USP7: variants seen among roughly 807,000 people sequenced by gnomAD.
USP7 encodes ubiquitin C-terminal hydrolase 7.
A neutral mutation model predicts 162.9 loss-of-function variants in USP7; 9 were observed. That is an observed-to-expected ratio of 0.06 (90% confidence interval 0.03 to 0.10). The LOEUF (loss-of-function observed/expected upper bound fraction) is 0.10, where lower values mean the gene tolerates loss of function less well. USP7 is among the 10% of genes least tolerant of loss of function. USP7 has a pLI of 1.00. For synonymous variants in USP7, 562 were observed against 475.9 expected, an observed-to-expected ratio of 1.18 and a Z score of -2.35; for missense variants, 715 against 1,373.7, an observed-to-expected ratio of 0.52 and a Z score of 7.58.
intron 2 of USP7, among the ~76,000 whole-genome samples, chr16:8,928,926 C>T (rs1044426769): frequency 2.0e-5 from 3 of 151,798 alleles, no homozygotes; most frequent in African/African-American, 7.3e-5. Flanking sequence ...TGGAGGGCAG[C>T]AGCCATGGGC....
chr16:8,956,042 C>T (rs1235626298), intron 1 of USP7, among the ~76,000 whole-genome samples: 3 of 152,264 alleles, frequency 2.0e-5, no homozygotes, highest in East Asian at 3.9e-4. Context: ...ACCAAACTCA[C>T]ACAGCACACT....
chr16:8,953,626 G>C (rs28673690), intron 1 of USP7, among the ~76,000 whole-genome samples: 17 of 14,084 alleles, frequency 1.2e-3, no homozygotes, highest in Admixed American at 1.6e-3. Context: ...CACGTGCCCC[G>C]TGCGGCGCCA....
At chr16:8,903,721 G>A (rs1273848936) in intron 15 of USP7, among the ~76,000 whole-genome samples, 2 of 152,026 alleles carry the variant, frequency 1.3e-5, no homozygotes, top group Admixed American at 6.6e-5. Flanking sequence ...TACAAAATTA[G>A]CTGGGTGTGG....
chr16:8,931,050 G>A (rs1898301623), intron 1 of USP7, among the ~76,000 whole-genome samples: 1 of 151,664 alleles, frequency 6.6e-6, no homozygotes, highest in Non-Finnish European at 1.5e-5. Context: ...ATCTAATCAT[G>A]CAAAGTCATT....
chr16:8,914,848 G>A (rs564992759), intron 10 of USP7, among the ~76,000 whole-genome samples: 2 of 152,324 alleles, frequency 1.3e-5, no homozygotes, highest in South Asian at 4.1e-4. Context: ...GAGTCCTGGA[G>A]TTCGAGGCTG....
At chr16:8,939,787 A>G (rs1898948230) in intron 1 of USP7, among the ~76,000 whole-genome samples, 2 of 152,236 alleles carry the variant, frequency 1.3e-5, no homozygotes, top group South Asian at 4.1e-4. Context: ...GTCATGATTT[A>G]TCAACCACTC....
chr16:8,916,606 A>G (rs781530149), intron 7 of USP7, 50 bp from the exon 8 acceptor site: 9 of 1,537,718 alleles, frequency 5.9e-6, no homozygotes, highest in African/African-American at 1.4e-5. Context: ...CTTTCAAATG[A>G]GCAAATTAAA....
chr16:8,911,579 G>T (rs1446027548), intron 10 of USP7, among the ~76,000 whole-genome samples: 1 of 152,220 alleles, frequency 6.6e-6, no homozygotes, highest in Non-Finnish European at 1.5e-5. Context: ...ACAGGACAGG[G>T]ATCCCTGAAG....
At chr16:8,922,518 CAG>C (rs1897753494) in intron 3 of USP7, among the ~76,000 whole-genome samples, 2 of 152,074 alleles carry the variant, frequency 1.3e-5, no homozygotes, top group Non-Finnish European at 2.9e-5. Flanking sequence ...ACAGAACAGC[CAG>C]AGTCAGTTCA....
At chr16:8,908,269 G>GAAAATAT (rs1454882749) in intron 12 of USP7, 72 bp downstream of exon 12, 26 of 1,225,492 alleles carry the variant, frequency 2.1e-5, no homozygotes, top group Non-Finnish European at 3.0e-5. Context: ...AAAGACTGAG[G>GAAAATAT]AAAGCACTGA....
rs780521213 is a variant in USP7 at position 8,901,198 on chromosome 16, T to C, written c.2084A>G (p.Lys695Arg). 7.5e-5 allele frequency: 121 copies of C among 1,613,944 alleles called. No homozygotes were observed. In the South Asian group the frequency reaches 1.2e-3, roughly 16 times the overall value. Residue 695 changes from lysine (K) to arginine (R), a missense_variant, in exon 19 of 31, where the codon AAA (lysine) becomes AGA (arginine). Physicochemically the swap from Lys to Arg is conservative, Grantham distance 26 (BLOSUM62 2). Coordinates refer to ENST00000344836, the MANE Select transcript of USP7 (RefSeq NM_003470.3). ...CCCACAGTAATTCAAGCTCCGCGTT[T>C]TGGGATCATACATCTTCAAAAATAA... The part of the protein sequence containing the change: ...VMLFLKMYDP[K>R]TRSLNYCGHI...
chr16:8,935,231 C>G (rs943116887), intron 1 of USP7, among the ~76,000 whole-genome samples: 1 of 142,624 alleles, frequency 7.0e-6, no homozygotes, highest in Non-Finnish European at 1.5e-5. Flanking sequence ...GAGACAGTCT[C>G]GTTCTGTCTC....
chr16:8,928,350 G>A (rs1898129348), intron 2 of USP7, among the ~76,000 whole-genome samples: 2 of 152,196 alleles, frequency 1.3e-5, no homozygotes, highest in South Asian at 4.1e-4. Flanking sequence ...AAAAAAGGGG[G>A]AGCTCTGAAG....
rs541444639 is a variant in USP7 at position 8,895,488 on chromosome 16, A to T, written c.2919+154T>A. Reference sequence around the variant, plus strand: ...CAAACTGAGGACTAATTTCTGTGCAAAAACACTGTAGGTCCACTCATGGAA... The same window carrying T: ...CAAACTGAGGACTAATTTCTGTGCATAAACACTGTAGGTCCACTCATGGAA... On this transcript the variant is annotated intron_variant, in intron 27 of 30. Coordinates refer to ENST00000344836, the MANE Select transcript of USP7 (RefSeq NM_003470.3). Among the ~76,000 whole-genome samples the T allele has an allele frequency of 1.3e-5, 2 of 152,346 alleles. 1 individual carries two copies. The highest frequency in any genetic ancestry group is 4.1e-4 in the South Asian group (2 of 4,824).
intron 1 of USP7, chr16:8,936,809 G>T: frequency 8.3e-7 from 1 of 1,209,664 alleles, no homozygotes. Context: ...TCCAGGAACA[G>T]AAGAGGATAT....
intron 1 of USP7, among the ~76,000 whole-genome samples, chr16:8,938,612 T>G: frequency 6.6e-6 from 1 of 151,312 alleles, no homozygotes; most frequent in Non-Finnish European, 1.5e-5. Flanking sequence ...CTCCGGAGGC[T>G]GAGGCAGGAG....
chr16:8,894,623 T>A lies in USP7; in HGVS notation c.3129A>T (p.Val1043=). The change falls in exon 30 of 31, where the codon GTA becomes GTT. Residue 1043 remains valine, a synonymous_variant. Transcript: ENST00000344836. ...KEFEKFKFAI[V]MMGRHQYINE... ...TTATGTACTGGTGTCGGCCCATCAT[T>A]ACAATTGCAAATTTAAACTAAAAGA... is the stretch of plus-strand genomic sequence containing the variant. 6 of 1,613,840 alleles carry A rather than the reference T, an allele frequency of 3.7e-6. No individual in the cohort carries two copies. Among genetic ancestry groups the A allele is most frequent in the Non-Finnish European group, 5.1e-6 (6 of 1,180,004 alleles).
At chr16:8,897,120 A>G (rs2061693788) in intron 25 of USP7, 21 bp from the exon 26 acceptor site, 3 of 1,574,896 alleles carry the variant, frequency 1.9e-6, no homozygotes, top group Non-Finnish European at 2.6e-6. Context: ...AAAAGATAAA[A>G]TAAGTGCTTT....
intron 2 of USP7, 112 bp downstream of exon 2, chr16:8,930,181 A>C (rs1711632113): frequency 1.4e-6 from 1 of 734,192 alleles, no homozygotes; most frequent in African/African-American, 1.8e-5. Context: ...CCTGAAAACT[A>C]GCTACGCTCA....
Sources: allele counts gnomAD v4.1 joint callset (sites outside exome capture counted in the v4.1 genomes callset), GRCh38; gene constraint gnomAD v4.1.1; transcripts MANE v1.5; gene names NCBI Gene and HGNC (gene_info 2026-07-23, HGNC 2026-07-21).